TSPAN18: variants seen among roughly 807,000 people sequenced by gnomAD.
TSPAN18 encodes the protein tetraspanin-18.
Under a neutral mutation model 27.3 loss-of-function variants are expected in TSPAN18, and 14 were observed. The ratio of observed to expected loss-of-function variants is 0.51; its 90% CI spans 0.34 to 0.80. The LOEUF (loss-of-function observed/expected upper bound fraction) is 0.80. TSPAN18 is among the 30% of genes least tolerant of loss of function. TSPAN18 has a pLI of 0.01. For synonymous variants in TSPAN18, 143 were observed against 136.5 expected (o/e 1.05, Z -0.33); for missense variants, 268 against 323.9 (o/e 0.83, Z 1.32).
intron 3 of TSPAN18, among the ~76,000 whole-genome samples, chr11:44,877,063 C>T (rs531103672): frequency 6.6e-6 from 1 of 152,232 alleles, no homozygotes; most frequent in Non-Finnish European, 1.5e-5. Flanking sequence ...GAGGGAGGAT[C>T]TTTGTGTGCA....
At chr11:44,892,340 T>C (rs901391770) in intron 3 of TSPAN18, among the ~76,000 whole-genome samples, 2 of 152,200 alleles carry the variant, frequency 1.3e-5, no homozygotes, top group Admixed American at 6.5e-5. Flanking sequence ...GCGCCATTCC[T>C]CCCAGGCCCC....
At chr11:44,831,466 C>T (rs190443281) in intron 2 of TSPAN18, among the ~76,000 whole-genome samples, 1 of 152,340 alleles carries the variant, frequency 6.6e-6, no homozygotes, top group Admixed American at 6.5e-5. Context: ...TAGGCCCTCA[C>T]AAGCCCCAGG....
chr11:44,762,694 A>T (rs779377515), intron 1 of TSPAN18, among the ~76,000 whole-genome samples: 13 of 152,002 alleles, frequency 8.6e-5, no homozygotes, highest in Non-Finnish European at 1.6e-4. Flanking sequence ...TTGTAGCCTT[A>T]GTCTGGTTCA....
chr11:44,825,963 A>G (rs890199319), intron 2 of TSPAN18, among the ~76,000 whole-genome samples: 3 of 152,146 alleles, frequency 2.0e-5, no homozygotes, highest in African/African-American at 7.2e-5. Flanking sequence ...TCAGGCTGGG[A>G]GCTTCTCCTC....
At position 44,846,575 on chromosome 11, in the gene TSPAN18, C is replaced by T. The variant is rs775940996; in HGVS notation, c.-152-13753C>T. Among the ~76,000 whole-genome samples the T allele has an allele frequency of 2.0e-5, 3 of 147,864 alleles. No individual in the cohort carries two copies. In the South Asian group the frequency reaches 6.5e-4, roughly 32 times the overall value. ...CAGAAACAGTCTGCTCTGGGCTGGG[C>T]TCTTCCAAGAGGCTGTCTGTGTGTG... On this transcript the variant is annotated intron_variant, in intron 2 of 9. Transcript: ENST00000520358.
chr11:44,909,038 T>C (rs1859610812), intron 4 of TSPAN18, among the ~76,000 whole-genome samples: 2 of 152,214 alleles, frequency 1.3e-5, no homozygotes, highest in African/African-American at 2.4e-5. Context: ...TTTCCAAAGA[T>C]AAATAAGGCA....
chr11:44,916,584 C>CTT (rs1859919296), intron 5 of TSPAN18, among the ~76,000 whole-genome samples: 1 of 152,148 alleles, frequency 6.6e-6, no homozygotes, highest in Non-Finnish European at 1.5e-5. Context: ...GTCTCCACAT[C>CTT]CCCATTTTTC....
intron 1 of TSPAN18, among the ~76,000 whole-genome samples, chr11:44,733,704 T>C (rs950445715): frequency 7.9e-5 from 12 of 152,136 alleles, no homozygotes; most frequent in African/African-American, 1.7e-4. Context: ...TAGGTATTCA[T>C]AGGGAGAGCC....
chr11:44,930,915 A>G lies in TSPAN18; in HGVS notation c.*1737A>G. ...CCACCGGCATCCTGTATCAGCTTCC[A>G]GCCTCCCCTCAGGCTTTCCAGTCAC... On this transcript the variant is annotated 3_prime_UTR_variant, in exon 10 of 10. Transcript: ENST00000520358. The G allele has an allele frequency of 1.9e-6, 1 of 525,146 alleles. No homozygotes were observed. Among genetic ancestry groups the G allele is most frequent in the Non-Finnish European group, 3.9e-6 (1 of 255,788 alleles). 32.5% of individuals were successfully genotyped at this position (525,146 alleles called of 1,614,324 possible).
intron 2 of TSPAN18, among the ~76,000 whole-genome samples, chr11:44,771,932 G>A (rs1855698692): frequency 6.6e-6 from 1 of 152,178 alleles, no homozygotes; most frequent in Non-Finnish European, 1.5e-5. Context: ...ATGAAGAATT[G>A]GCTCATGTGA....
intron 2 of TSPAN18, among the ~76,000 whole-genome samples, chr11:44,831,789 G>C (rs1327489706): frequency 6.6e-6 from 1 of 152,196 alleles, no homozygotes; most frequent in Non-Finnish European, 1.5e-5. Context: ...TCATGCAGTG[G>C]TTAGGCCGAG....
intron 3 of TSPAN18, among the ~76,000 whole-genome samples, chr11:44,888,747 C>T (rs927691024): frequency 6.6e-6 from 1 of 152,150 alleles, no homozygotes; most frequent in African/African-American, 2.4e-5. Flanking sequence ...TTGGGGTAAC[C>T]TCTAAGTTAC....
intron 1 of TSPAN18, among the ~76,000 whole-genome samples, chr11:44,763,398 A>T (rs1855497399): frequency 6.6e-6 from 1 of 152,050 alleles, no homozygotes; most frequent in Non-Finnish European, 1.5e-5. Flanking sequence ...TGACCTGGGG[A>T]TGCTTCATCA....
At chr11:44,808,180 G>A (rs1257641971) in intron 2 of TSPAN18, among the ~76,000 whole-genome samples, 1 of 152,212 alleles carries the variant, frequency 6.6e-6, no homozygotes, top group Non-Finnish European at 1.5e-5. Flanking sequence ...CCCCAGGAAA[G>A]TGATATTATT....
intron 6 of TSPAN18, 62 bp from the exon 7 acceptor site, chr11:44,919,152 A>G (rs1860028371): frequency 3.8e-6 from 5 of 1,332,462 alleles, no homozygotes; most frequent in Middle Eastern, 2.0e-4. Context: ...TGGAGAGACG[A>G]TGGAGGGTGG....
chr11:44,856,366 T>G (rs1247111900), intron 2 of TSPAN18, among the ~76,000 whole-genome samples: 1 of 152,130 alleles, frequency 6.6e-6, no homozygotes, highest in African/African-American at 2.4e-5. Flanking sequence ...TGGCTCATGG[T>G]CTTGGCTCAT....
At chr11:44,750,077 C>G (rs567131694) in intron 1 of TSPAN18, among the ~76,000 whole-genome samples, 1 of 152,328 alleles carries the variant, frequency 6.6e-6, no homozygotes, top group Non-Finnish European at 1.5e-5. Flanking sequence ...TTTTGAAAAC[C>G]ACAGGCCATC....
chr11:44,827,209 G>A (rs555785058), intron 2 of TSPAN18, among the ~76,000 whole-genome samples: 2 of 152,368 alleles, frequency 1.3e-5, no homozygotes, highest in South Asian at 2.1e-4. Context: ...TGTCCTCTGA[G>A]CCTGTCCCAG....
At chr11:44,751,055 CT>C (rs1343563985) in intron 1 of TSPAN18, among the ~76,000 whole-genome samples, 1 of 152,140 alleles carries the variant, frequency 6.6e-6, no homozygotes, top group Non-Finnish European at 1.5e-5. Context: ...TAGAGGATGA[CT>C]TTTAGGGCAC....
Sources: gnomAD v4.1 joint callset for allele counts (sites outside exome capture counted in the v4.1 genomes callset) on GRCh38, gnomAD v4.1.1 for gene constraint, MANE v1.5 for transcripts, NCBI Gene and HGNC (gene_info 2026-07-23, HGNC 2026-07-21) for gene names.